Variants in CLASP1 observed in about 807,000 individuals in gnomAD.
CLASP1 encodes CLIP-associating protein 1.
In CLASP1, 38 loss-of-function variants were observed where a neutral mutation model predicts 192.3. That is an observed-to-expected ratio of 0.20 (90% CI 0.15 to 0.26). CLASP1 has a LOEUF of 0.26. CLASP1 is among the 10% of genes least tolerant of loss of function. The pLI is 1.00. For missense variants in CLASP1, 1,433 were observed against 1,932.5 expected, an observed-to-expected ratio of 0.74 and a Z score of 4.85; for synonymous variants, 691 against 712.8, an observed-to-expected ratio of 0.97 and a Z score of 0.49.
At chr2:121,481,457 T>C (rs1160823494) in intron 8 of CLASP1, among the ~76,000 whole-genome samples, 1 of 152,152 alleles carries the variant, frequency 6.6e-6, no homozygotes, top group Non-Finnish European at 1.5e-5. Flanking sequence ...TTGTCAAGCG[T>C]CCTTAGGAGG....
At chr2:121,580,743 GT>G (rs1027024765) in intron 2 of CLASP1, among the ~76,000 whole-genome samples, 2 of 152,278 alleles carry the variant, frequency 1.3e-5, no homozygotes, top group Non-Finnish European at 2.9e-5. Context: ...TATTTCAAGT[GT>G]TTTTTAAATC....
chr2:121,605,557 A>G, intron 2 of CLASP1, 144 bp downstream of exon 2: 1 of 601,046 alleles, frequency 1.7e-6, no homozygotes, highest in Non-Finnish European at 2.9e-6. Flanking sequence ...GAATGAAATA[A>G]CCCAAGGCCA....
At chr2:121,449,262 A>T (rs2084947848) in intron 16 of CLASP1, 142 bp from the exon 17 acceptor site, 2 of 644,712 alleles carry the variant, frequency 3.1e-6, no homozygotes. Context: ...GAGGGTAAAC[A>T]AAGGAGACCT....
At chr2:121,608,954 T>G (rs147236338) in intron 1 of CLASP1, among the ~76,000 whole-genome samples, 3 of 152,254 alleles carry the variant, frequency 2.0e-5, no homozygotes, top group Non-Finnish European at 4.4e-5. Flanking sequence ...TATATAATAC[T>G]ATCTCTAATT....
In CLASP1 at chr2:121,639,825, G is replaced by A. The variant is rs927137837; in HGVS notation, c.-286+9547C>T. 4.0e-5 allele frequency among the ~76,000 whole-genome samples: 6 copies of A among 148,244 alleles called. No homozygotes were observed. The South Asian group carries it at 1.3e-3, about 32-fold the overall frequency. On this transcript the variant is annotated intron_variant, in intron 1 of 39. Coordinates refer to ENST00000263710, the Ensembl canonical transcript of CLASP1. Reference sequence around the variant, plus strand: ...TTGCAGTAAGCCAAGATTGCACCATGGCACTTCAGCCTGGGCAACAAGAGG... The same window carrying A: ...TTGCAGTAAGCCAAGATTGCACCATAGCACTTCAGCCTGGGCAACAAGAGG...
At chr2:121,636,106 A>AG (rs1366071115) in intron 1 of CLASP1, among the ~76,000 whole-genome samples, 2 of 151,946 alleles carry the variant, frequency 1.3e-5, no homozygotes, top group Non-Finnish European at 2.9e-5. Flanking sequence ...TGGGAGGCTA[A>AG]GGCAGGTGGA....
chr2:121,594,518 G>C (rs1223154811), intron 2 of CLASP1, among the ~76,000 whole-genome samples: 1 of 150,872 alleles, frequency 6.6e-6, no homozygotes, highest in East Asian at 2.0e-4. Flanking sequence ...TCAGCCTCCC[G>C]AGTAGCTGGG....
chr2:121,368,446 A>C (rs928790837), intron 34 of CLASP1, among the ~76,000 whole-genome samples: 1 of 151,874 alleles, frequency 6.6e-6, no homozygotes, highest in African/African-American at 2.4e-5. Flanking sequence ...GTATTTCCCA[A>C]ATTTTTTTTT....
chr2:121,460,075 G>A (rs539305290), exon 12 of CLASP1: 21 of 1,613,570 alleles, frequency 1.3e-5, no homozygotes, highest in Non-Finnish European at 1.5e-5. Flanking sequence ...GTTGAAAGAA[G>A]TTATCATACT....
At chr2:121,433,026 G>A (rs1351128441) in intron 19 of CLASP1, among the ~76,000 whole-genome samples, 1 of 152,110 alleles carries the variant, frequency 6.6e-6, no homozygotes, top group African/African-American at 2.4e-5. Flanking sequence ...TCTGCCAACA[G>A]GTTAAGAAAA....
exon 40 of CLASP1, chr2:121,337,935 A>C (rs2062468013): frequency 1.3e-5 from 1 of 77,696 alleles, no homozygotes; most frequent in East Asian, 4.1e-4. Flanking sequence ...TGGATGTAAC[A>C]TGAAAAAGCC....
At chr2:121,580,725 T>C (rs1162385263) in intron 2 of CLASP1, among the ~76,000 whole-genome samples, 1 of 152,240 alleles carries the variant, frequency 6.6e-6, no homozygotes, top group Non-Finnish European at 1.5e-5. Flanking sequence ...TTGAAAGCCA[T>C]TATTTCTTAT....
At chr2:121,425,428 A>T in intron 21 of CLASP1, 122 bp from the exon 22 acceptor site, 1 of 787,114 alleles carries the variant, frequency 1.3e-6, no homozygotes, top group South Asian at 2.1e-5. Context: ...TATAAAAATA[A>T]ATTTTTATTT....
At chr2:121,486,813 C>G (rs2093005775) in intron 8 of CLASP1, among the ~76,000 whole-genome samples, 1 of 152,220 alleles carries the variant, frequency 6.6e-6, no homozygotes, top group South Asian at 2.1e-4. Flanking sequence ...CCAGAACCCT[C>G]TTTAGCTAGA....
chr2:121,610,670 AGTTGG>A (rs2065214251), intron 1 of CLASP1, among the ~76,000 whole-genome samples: 2 of 139,504 alleles, frequency 1.4e-5, no homozygotes, highest in Non-Finnish European at 3.1e-5. Context: ...GAGGAGGAGG[AGTTGG>A]AGGAGTTACA....
At chr2:121,350,488 T>C (rs1018113651) in intron 37 of CLASP1, among the ~76,000 whole-genome samples, 2 of 152,180 alleles carry the variant, frequency 1.3e-5, no homozygotes, top group African/African-American at 4.8e-5. Flanking sequence ...GGGCCCTCAC[T>C]GAGGCTCTCC....
At chr2:121,556,685 T>C (rs748959619) in intron 2 of CLASP1, among the ~76,000 whole-genome samples, 5 of 152,240 alleles carry the variant, frequency 3.3e-5, no homozygotes, top group Admixed American at 6.5e-5. Context: ...CTGATTATCA[T>C]TGCTATTGTC....
chr2:121,496,442 A>G (rs1301447232), intron 8 of CLASP1, among the ~76,000 whole-genome samples: 1 of 152,196 alleles, frequency 6.6e-6, no homozygotes, highest in Non-Finnish European at 1.5e-5. Context: ...TGTCAGCTCC[A>G]GCTCATATGC....
chr2:121,465,452 C>T (rs909677396), intron 9 of CLASP1, among the ~76,000 whole-genome samples: 1 of 152,136 alleles, frequency 6.6e-6, no homozygotes, highest in African/African-American at 2.4e-5. Flanking sequence ...ACCTAGGAAT[C>T]CAACTTAAAA....
Sources: gnomAD v4.1 joint callset for allele counts (sites outside exome capture counted in the v4.1 genomes callset) on GRCh38, gnomAD v4.1.1 for gene constraint, MANE v1.5 for transcripts, NCBI Gene and HGNC (gene_info 2026-07-23, HGNC 2026-07-21) for gene names.